TNRC6A: variants seen among roughly 807,000 people sequenced by gnomAD.
TNRC6A encodes trinucleotide repeat-containing gene 6A protein.
Under a neutral mutation model 221.2 loss-of-function variants are expected in TNRC6A, and 44 were observed. The ratio of observed to expected loss-of-function variants is 0.20; its 90% CI spans 0.16 to 0.26. TNRC6A has a LOEUF of 0.26. Among genes scored for constraint, TNRC6A ranks in the 10% least tolerant of loss-of-function variants. TNRC6A has a pLI of 1.00. For synonymous variants in TNRC6A, 847 were observed against 838.5 expected, an observed-to-expected ratio of 1.01 and a Z score of -0.18; for missense variants, 2,199 against 2,404.4, an observed-to-expected ratio of 0.91 and a Z score of 1.79.
intron 1 of TNRC6A, among the ~76,000 whole-genome samples, chr16:24,615,869 C>G (rs1204844453): frequency 6.8e-6 from 1 of 148,142 alleles, no homozygotes; most frequent in African/African-American, 2.5e-5. Context: ...CACCCACCCC[C>G]CAACACACAT....
intron 1 of TNRC6A, among the ~76,000 whole-genome samples, chr16:24,632,540 C>T (rs944558234): frequency 1.3e-5 from 2 of 152,304 alleles, no homozygotes; most frequent in Admixed American, 6.5e-5. Flanking sequence ...AGGCCAATAT[C>T]GTTTTCACCT....
chr16:24,798,872 A>T (rs561085455), intron 11 of TNRC6A, among the ~76,000 whole-genome samples: 9 of 152,362 alleles, frequency 5.9e-5, no homozygotes, highest in African/African-American at 1.9e-4. Flanking sequence ...TTGGAGTAGC[A>T]GTAGCAGATA....
chr16:24,774,862 C>T (rs922519191), intron 4 of TNRC6A, among the ~76,000 whole-genome samples: 6 of 152,208 alleles, frequency 3.9e-5, no homozygotes, highest in African/African-American at 9.7e-5. Flanking sequence ...AACCTAGACA[C>T]ATTCTTCTAT....
Position 24,758,442 on chromosome 16 carries a change from G to C in TNRC6A, c.163+82G>C, listed in dbSNP as rs1187854854. 5 of 1,414,224 alleles carry C rather than the reference G, an allele frequency of 3.5e-6. No homozygotes were observed. In the African/African-American group the frequency reaches 5.7e-5, roughly 16 times the overall value. 87.6% of individuals were successfully genotyped at this position (1,414,224 alleles called of 1,614,324 possible). ...GTGCATTTTTGTTCACCTCAAGGAT[G>C]GGAGAGAGAAGAGCATGAAAGAAGC... On this transcript the variant is annotated intron_variant, in intron 4 of 24. Coordinates refer to ENST00000395799, the MANE Select transcript of TNRC6A (RefSeq NM_014494.4).
Position 24,823,137 on chromosome 16 carries a change from G to C in TNRC6A, c.5513+124G>C, listed in dbSNP as rs937484707. On this transcript the variant is annotated intron_variant, in intron 24 of 24. Transcript: ENST00000395799. This position sits in a 1 kb window ranked among gnomAD's most constrained non-coding sequence, Gnocchi z 4.3. ...CTCCTGCTGGCTGCAGTAGTGCCCT[G>C]ATTCCAAGGTCGGCATTCCTAAGCG... The C allele has an allele frequency of 9.0e-6, 12 of 1,340,016 alleles. No individual in the cohort carries two copies. The highest frequency in any genetic ancestry group is 1.4e-5 in the African/African-American group (1 of 69,022). 83.0% of individuals were successfully genotyped at this position (1,340,016 alleles called of 1,614,324 possible). A position where few individuals can be genotyped will look rare whatever the true frequency, so the allele number is the denominator to read the frequency against.
chr16:24,716,297 G>A (rs988068948), intron 2 of TNRC6A, among the ~76,000 whole-genome samples: 8 of 152,110 alleles, frequency 5.3e-5, no homozygotes, highest in East Asian at 3.9e-4. Context: ...ATTTTTAGCC[G>A]TTTCAGGAGG....
chr16:24,804,382 C>T (rs990095704), intron 12 of TNRC6A, 63 bp downstream of exon 12: 1 of 1,538,568 alleles, frequency 6.5e-7, no homozygotes, highest in Non-Finnish European at 8.8e-7. Context: ...GTAATTTTCA[C>T]ACTAATATTT....
rs759508302 is a variant in TNRC6A, at chr16:24,730,206, T to C, written c.6-47T>C. 1.9e-6 allele frequency: 3 copies of C among 1,567,322 alleles called. No homozygotes were observed. The Admixed American group carries it at 5.5e-5, about 29-fold the overall frequency. On this transcript the variant is annotated intron_variant, in intron 1 of 24. Transcript: ENST00000395799. ...TCCGTTTTCACGCGCATCTCGTTTT[T>C]GTGTGTGTGTTTTTGTTTTGTTTTT...
rs114888731 is a variant in TNRC6A at position 24,782,933 on chromosome 16, A to G, written c.589+5575A>G. Among the ~76,000 whole-genome samples the G allele has an allele frequency of 8.7e-3, 1,317 of 152,156 alleles. 21 individuals carry two copies. The highest frequency in any genetic ancestry group is 0.03 in the African/African-American group (1,250 of 41,508). On this transcript the variant is annotated intron_variant, in intron 5 of 24. Transcript: ENST00000395799. Reference sequence around the variant, plus strand: ...GTTCTCTCGTATTCCCAATGGTACCATCTCTCTCATACTCCTTGGAAACAT... The same window carrying G: ...GTTCTCTCGTATTCCCAATGGTACCGTCTCTCTCATACTCCTTGGAAACAT...
intron 1 of TNRC6A, among the ~76,000 whole-genome samples, chr16:24,635,508 C>A (rs909287954): frequency 6.6e-6 from 1 of 152,118 alleles, no homozygotes; most frequent in Admixed American, 6.6e-5. Context: ...GTCTCAAACT[C>A]CTGACCTCAA....
intron 2 of TNRC6A, among the ~76,000 whole-genome samples, chr16:24,650,709 G>T (rs1304539754): frequency 6.6e-6 from 1 of 151,648 alleles, no homozygotes; most frequent in African/African-American, 2.4e-5. Flanking sequence ...CAAACCAAAC[G>T]AATTGACACC....
intron 2 of TNRC6A, among the ~76,000 whole-genome samples, chr16:24,656,215 C>A (rs1208638127): frequency 6.6e-6 from 1 of 151,120 alleles, no homozygotes; most frequent in Non-Finnish European, 1.5e-5. Flanking sequence ...GTAATCCCAG[C>A]ACTTTGGGAG....
chr16:24,730,394 A>G (rs1482075869), intron 2 of TNRC6A, 94 bp downstream of exon 2: 10 of 1,453,928 alleles, frequency 6.9e-6, no homozygotes, highest in Non-Finnish European at 8.4e-6. Context: ...CCCCCGTGAC[A>G]TTTTCTTCCG....
At chr16:24,667,731 G>A (rs892936979) in intron 2 of TNRC6A, among the ~76,000 whole-genome samples, 2 of 152,134 alleles carry the variant, frequency 1.3e-5, no homozygotes, top group East Asian at 1.9e-4. Context: ...TTGTCATATC[G>A]TTCCACTGTT....
At chr16:24,635,940 C>T (rs969444693) in intron 1 of TNRC6A, among the ~76,000 whole-genome samples, 2 of 152,134 alleles carry the variant, frequency 1.3e-5, no homozygotes, top group African/African-American at 4.8e-5. Context: ...AGGATGATGC[C>T]GTTGATCTGA....
At chr16:24,809,769 ATT>A (rs2058506331) in intron 18 of TNRC6A, among the ~76,000 whole-genome samples, 1 of 151,904 alleles carries the variant, frequency 6.6e-6, no homozygotes, top group Admixed American at 6.6e-5. Flanking sequence ...TTATTCTTAT[ATT>A]ATTACACTTA....
chr16:24,671,351 C>T (rs955121797), intron 2 of TNRC6A, among the ~76,000 whole-genome samples: 6 of 152,186 alleles, frequency 3.9e-5, no homozygotes, highest in Admixed American at 3.9e-4. Context: ...GGGCATAAGA[C>T]ATTCCAGAAG....
intron 2 of TNRC6A, among the ~76,000 whole-genome samples, chr16:24,647,082 C>T (rs1053272560): frequency 6.6e-6 from 1 of 152,004 alleles, no homozygotes; most frequent in African/African-American, 2.4e-5. Context: ...AGGGGTGCAC[C>T]ACCACACTCA....
chr16:24,646,474 A>C (rs368444666), intron 2 of TNRC6A, among the ~76,000 whole-genome samples: 5 of 152,232 alleles, frequency 3.3e-5, no homozygotes, highest in East Asian at 3.8e-4. Flanking sequence ...GACACTTTCC[A>C]TGGAGCCTGC....
Sources: gnomAD v4.1 joint callset for allele counts (sites outside exome capture counted in the v4.1 genomes callset) on GRCh38, gnomAD v4.1.1 for gene constraint, Gnocchi (gnomAD v3.1) non-coding constraint, MANE v1.5 for transcripts, NCBI Gene and HGNC (gene_info 2026-07-23, HGNC 2026-07-21) for gene names.